The following PCDHGA12 variants were observed in gnomAD, a reference collection of about 807,000 sequenced individuals.
PCDHGA12 encodes protocadherin gamma subfamily A, 12, also known as protocadherin gamma-A12.
In PCDHGA12, 43 loss-of-function variants were observed where a neutral mutation model predicts 61.1. That is an observed-to-expected ratio of 0.70 (90% confidence interval 0.55 to 0.91). The LOEUF (loss-of-function observed/expected upper bound fraction) is 0.91, where lower values mean the gene tolerates loss of function less well. Ranked by LOEUF, PCDHGA12 falls within the 40% of genes least tolerant of loss-of-function variation. The pLI is 0.00. For synonymous variants in PCDHGA12, 520 were observed against 542.9 expected (o/e 0.96, Z 0.59); for missense variants, 1,236 against 1,227.7 (o/e 1.01, Z -0.10).
In PCDHGA12 at chr5:141,489,750, C is replaced by A. The variant is rs753217170; in HGVS notation, c.2425-5057C>A. 1 of 1,614,098 alleles carries A rather than the reference C, an allele frequency of 6.2e-7. No individual in the cohort carries two copies. The highest frequency in any genetic ancestry group is 1.1e-5 in the South Asian group (1 of 91,080). Reference sequence around the variant, plus strand: ...TGGGCACCAATACTGTGAGCTTTTACACTCTAAGCCCCAACAGCCACTTCT... The same window carrying A: ...TGGGCACCAATACTGTGAGCTTTTAAACTCTAAGCCCCAACAGCCACTTCT... On this transcript the variant is annotated intron_variant, in intron 1 of 3. Coordinates refer to ENST00000252085, the MANE Select transcript of PCDHGA12 (RefSeq NM_003735.3). This position sits in a 1 kb window ranked among gnomAD's most constrained non-coding sequence, Gnocchi z 4.5.
At chr5:141,463,324 T>C (rs1413608053) in intron 1 of PCDHGA12, among the ~76,000 whole-genome samples, 1 of 150,722 alleles carries the variant, frequency 6.6e-6, no homozygotes, top group Non-Finnish European at 1.5e-5. Context: ...ATTCCTCAAC[T>C]CAGCAAAACC....
intron 1 of PCDHGA12, among the ~76,000 whole-genome samples, chr5:141,459,838 A>C (rs944807247): frequency 1.3e-5 from 2 of 152,098 alleles, no homozygotes; most frequent in African/African-American, 4.8e-5. Context: ...TGTGTTGTCT[A>C]TTTGTATATC....
At chr5:141,452,879 A>C (rs1389712789) in intron 1 of PCDHGA12, among the ~76,000 whole-genome samples, 1 of 152,200 alleles carries the variant, frequency 6.6e-6, no homozygotes, top group Admixed American at 6.5e-5. Context: ...CATTTGTAAT[A>C]ATTTATTCCA....
intron 1 of PCDHGA12, among the ~76,000 whole-genome samples, chr5:141,452,137 G>A (rs2154563838): frequency 6.6e-6 from 1 of 152,162 alleles, no homozygotes; most frequent in East Asian, 1.9e-4. Flanking sequence ...TGGCTCATGT[G>A]TTTTTTCCAA....
In PCDHGA12 at chr5:141,511,125, A is replaced by T. The variant is rs755685600; in HGVS notation, c.2751A>T (p.Ala917=). Residue 917 remains alanine, a synonymous_variant, in exon 4 of 4, where the codon GCA becomes GCT. Transcript: ENST00000252085. ...GCAAGCGGGATGGCAAGGCCCCAGCAGGTGGCAATGGCAACAAGAAGAAGT... is the reference window on the plus strand; with the variant it reads ...GCAAGCGGGATGGCAAGGCCCCAGCTGGTGGCAATGGCAACAAGAAGAAGT... ...AAGKRDGKAP[A]GGNGNKKKSG... 2 of 1,614,216 alleles carry T rather than the reference A, an allele frequency of 1.2e-6. No individual in the cohort carries two copies. The highest frequency in any genetic ancestry group is 2.2e-5 in the South Asian group (2 of 91,092).
Position 141,477,553 on chromosome 5 carries a change from A to G in PCDHGA12, c.2425-17254A>G. ...TCCCCGGGGCTCCAATACTAAACCTAAGTGTCTGGGACCCCGACGCCCCGC... is the reference window on the plus strand; with the variant it reads ...TCCCCGGGGCTCCAATACTAAACCTGAGTGTCTGGGACCCCGACGCCCCGC... On this transcript the variant is annotated intron_variant, in intron 1 of 3. Transcript: ENST00000252085. This position sits in a 1 kb window ranked among gnomAD's most constrained non-coding sequence, Gnocchi z 4.9. 5 of 1,614,090 alleles carry G rather than the reference A, an allele frequency of 3.1e-6. No individual in the cohort carries two copies. The highest frequency in any genetic ancestry group is 4.2e-6 in the Non-Finnish European group (5 of 1,180,020).
intron 2 of PCDHGA12, among the ~76,000 whole-genome samples, chr5:141,504,259 G>A (rs1325093588): frequency 6.6e-6 from 1 of 152,126 alleles, no homozygotes; most frequent in Non-Finnish European, 1.5e-5. Flanking sequence ...TTATGGTTTA[G>A]TATTTTTTTA....
chr5:141,507,810 G>A (rs550331241), intron 3 of PCDHGA12, among the ~76,000 whole-genome samples: 1 of 152,290 alleles, frequency 6.6e-6, no homozygotes, highest in African/African-American at 2.4e-5. Context: ...CCTGGGGAAC[G>A]GACCCTGGGG....
intron 1 of PCDHGA12, among the ~76,000 whole-genome samples, chr5:141,468,830 C>T (rs561511870): frequency 2.0e-5 from 3 of 152,170 alleles, no homozygotes; most frequent in East Asian, 1.9e-4. Flanking sequence ...CAAGCCACTG[C>T]ACTCCAGCCT....
chr5:141,447,849 G>A (rs2154561912), intron 1 of PCDHGA12, among the ~76,000 whole-genome samples: 1 of 152,306 alleles, frequency 6.6e-6, no homozygotes, highest in East Asian at 1.9e-4. Context: ...GCTTTGGGAG[G>A]CCGAGGTGGG....
chr5:141,489,563 T>C lies in PCDHGA12; in HGVS notation c.2425-5244T>C, dbSNP rs2099689031. ...ACCAGCTGCCTGCTGCCAGTGCAGG[T>C]GGTGACTGAACACCCCCTGGAGCTA... On this transcript the variant is annotated intron_variant, in intron 1 of 3. Coordinates refer to ENST00000252085, the MANE Select transcript of PCDHGA12 (RefSeq NM_003735.3). The surrounding 1 kb of genome is among the most constrained non-coding windows in gnomAD (Gnocchi z 4.5). 13 of 1,614,006 alleles carry C rather than the reference T, an allele frequency of 8.1e-6. No homozygotes were observed. The highest frequency in any genetic ancestry group is 1.1e-5 in the Non-Finnish European group (13 of 1,179,976).
At chr5:141,481,210 G>A (rs1351826116) in intron 1 of PCDHGA12, among the ~76,000 whole-genome samples, 2 of 152,128 alleles carry the variant, frequency 1.3e-5, no homozygotes, top group Admixed American at 1.3e-4. Context: ...TAAAAAACAT[G>A]GTAAGGTCTC....
In PCDHGA12 at chr5:141,476,857, C is replaced by G. The variant is rs201408987; in HGVS notation, c.2425-17950C>G. The G allele has an allele frequency of 3.1e-6, 5 of 1,613,886 alleles. No individual in the cohort carries two copies. Among genetic ancestry groups the G allele is most frequent in the Non-Finnish European group, 4.2e-6 (5 of 1,180,046 alleles). On this transcript the variant is annotated intron_variant, in intron 1 of 3. Coordinates refer to ENST00000252085, the MANE Select transcript of PCDHGA12 (RefSeq NM_003735.3). This position sits in a 1 kb window ranked among gnomAD's most constrained non-coding sequence, Gnocchi z 7.6. Reference sequence around the variant, plus strand: ...ACAATGCGCCTGTCTTCAACCAGTCCTTGTACCGGGCGCGCGTCCTGGAGG... The same window carrying G: ...ACAATGCGCCTGTCTTCAACCAGTCGTTGTACCGGGCGCGCGTCCTGGAGG...
Position 141,476,247 on chromosome 5 carries a change from G to A in PCDHGA12, c.2425-18560G>A. The A allele has an allele frequency of 6.2e-7, 1 of 1,614,042 alleles. No individual in the cohort carries two copies. Among genetic ancestry groups the A allele is most frequent in the Non-Finnish European group, 8.5e-7 (1 of 1,180,010 alleles). Reference sequence around the variant, plus strand: ...GAGATCCCGGAGGAAAGAGAGAAGGGTTTCGCTGTGGGCAACGTGGTCGCG... The same window carrying A: ...GAGATCCCGGAGGAAAGAGAGAAGGATTTCGCTGTGGGCAACGTGGTCGCG... On this transcript the variant is annotated intron_variant, in intron 1 of 3. Transcript: ENST00000252085. This position sits in a 1 kb window ranked among gnomAD's most constrained non-coding sequence, Gnocchi z 7.6.
intron 1 of PCDHGA12, among the ~76,000 whole-genome samples, chr5:141,475,532 T>C (rs1011968434): frequency 6.6e-6 from 1 of 152,228 alleles, no homozygotes; most frequent in East Asian, 1.9e-4. Context: ...AAATGCCTCC[T>C]TACAAGTAGG....
chr5:141,454,580 ATT>A (rs1392342692), intron 1 of PCDHGA12, among the ~76,000 whole-genome samples: 2 of 151,234 alleles, frequency 1.3e-5, no homozygotes, highest in Non-Finnish European at 2.9e-5. Context: ...CTAATTTTGT[ATT>A]TTTAGTAGAG....
intron 3 of PCDHGA12, 72 bp from the exon 4 acceptor site, chr5:141,510,875 C>T: frequency 6.2e-7 from 1 of 1,610,120 alleles, no homozygotes; most frequent in Admixed American, 1.7e-5. Context: ...TCATTAACTG[C>T]TGGGGATATA....
chr5:141,432,415 G>A lies in PCDHGA12; in HGVS notation c.1656G>A (p.Val552=), dbSNP rs2097498934. The A allele has an allele frequency of 6.2e-7, 1 of 1,614,112 alleles. No homozygotes were observed. The highest frequency in any genetic ancestry group is 1.1e-5 in the South Asian group (1 of 91,092). The change falls in exon 1 of 4, where the codon GTG becomes GTA. Residue 552 remains valine, a synonymous_variant. Transcript: ENST00000252085. This position sits in a 1 kb window ranked among gnomAD's most constrained non-coding sequence, Gnocchi z 6.0. ...GCAACGTGTCGTTGAGCCTGTTCGT[G>A]CTGGACCAGAACGACAATGCGCCCG... is the stretch of plus-strand genomic sequence containing the variant. ...LSSNVSLSLF[V]LDQNDNAPEI... is the part of the protein sequence containing the mutation.
rs1265422100 is a variant in PCDHGA12 at position 141,490,199 on chromosome 5, C to A, written c.2425-4608C>A. On this transcript the variant is annotated intron_variant, in intron 1 of 3. Transcript: ENST00000252085. This position sits in a 1 kb window ranked among gnomAD's most constrained non-coding sequence, Gnocchi z 5.4. The stretch of plus-strand genomic sequence containing the variant: ...GAGTCACGTTTCTATGAAATTCATG[C>A]AAGAGCCCGTGACCAGGGACAGCCT... The A allele has an allele frequency of 1.9e-6, 3 of 1,614,184 alleles. No homozygotes were observed. The highest frequency in any genetic ancestry group is 2.5e-6 in the Non-Finnish European group (3 of 1,180,024).
Sources: gnomAD v4.1 joint callset for allele counts (sites outside exome capture counted in the v4.1 genomes callset) on GRCh38, gnomAD v4.1.1 for gene constraint, Gnocchi (gnomAD v3.1) non-coding constraint, MANE v1.5 for transcripts, NCBI Gene and HGNC (gene_info 2026-07-23, HGNC 2026-07-21) for gene names.